MLXIP: variants seen among roughly 807,000 people sequenced by gnomAD.
MLXIP encodes MLX interacting protein.
In MLXIP, 30 loss-of-function variants were observed where a neutral mutation model predicts 87.2. That is an observed-to-expected ratio of 0.34 (90% CI 0.26 to 0.47). The LOEUF (loss-of-function observed/expected upper bound fraction) is 0.47. MLXIP is among the 20% of genes least tolerant of loss of function. The pLI is 1.00. For missense variants in MLXIP, 1,002 were observed against 1,240.1 expected (o/e 0.81, Z 2.88); for synonymous variants, 530 against 514.0 (o/e 1.03, Z -0.42).
chr12:122,094,599 GTGT>G (rs1425974496), intron 1 of MLXIP, among the ~76,000 whole-genome samples: 7,278 of 144,236 alleles, frequency 0.05, 230 homozygotes, highest in Non-Finnish European at 0.076. Context: ...GTGTGTGTTG[GTGT>G]TGTGTGTGTG....
At position 122,133,139 on chromosome 12, in the gene MLXIP, G is replaced by GT; in HGVS notation, c.1093-207dup. ...GGCCGTTGCCTTATCTGAGCTCTGA[G>GT]TTATTTAGTTTTTAATGGAAACAAG... On this transcript the variant is annotated intron_variant, in intron 8 of 16. Coordinates refer to ENST00000319080, the MANE Select transcript of MLXIP (RefSeq NM_014938.6). The surrounding 1 kb of genome is among the most constrained non-coding windows in gnomAD (Gnocchi z 4.9). The GT allele has an allele frequency of 1.9e-6, 1 of 514,484 alleles. No homozygotes were observed. The highest frequency in any genetic ancestry group is 1.9e-5 in the African/African-American group (1 of 51,738). 31.9% of individuals were successfully genotyped at this position (514,484 alleles called of 1,614,324 possible). A position where few individuals can be genotyped will look rare whatever the true frequency, so the allele number is the denominator to read the frequency against.
chr12:122,110,787 TAAAA>T (rs1427482004), intron 1 of MLXIP, among the ~76,000 whole-genome samples: 1 of 141,120 alleles, frequency 7.1e-6, no homozygotes, highest in South Asian at 2.3e-4. Context: ...GAAAAAAAAA[TAAAA>T]AAAGGGCTGG....
In MLXIP at chr12:122,107,154, T is replaced by A. The variant is rs551576587; in HGVS notation, c.414-20102T>A. 3.3e-5 allele frequency among the ~76,000 whole-genome samples: 5 copies of A among 152,290 alleles called. No homozygotes were observed. In the East Asian group the frequency reaches 9.7e-4, roughly 29 times the overall value. Reference sequence around the variant, plus strand: ...AAGGGTCACTGCTGTGAAGTGTGCCTGAGAGCTGATGGTGCAGGCAGTCAT... The same window carrying A: ...AAGGGTCACTGCTGTGAAGTGTGCCAGAGAGCTGATGGTGCAGGCAGTCAT... On this transcript the variant is annotated intron_variant, in intron 1 of 16. Coordinates refer to ENST00000319080, the MANE Select transcript of MLXIP (RefSeq NM_014938.6).
intron 6 of MLXIP, 110 bp from the exon 7 acceptor site, chr12:122,130,734 A>T (rs1323105229): frequency 1.2e-5 from 9 of 756,106 alleles, no homozygotes; most frequent in Admixed American, 2.0e-5. Context: ...AGCTCCTTGG[A>T]AGACTCTGGG....
At chr12:122,084,400 A>G (rs1042264220) in intron 1 of MLXIP, among the ~76,000 whole-genome samples, 1 of 152,100 alleles carries the variant, frequency 6.6e-6, no homozygotes, top group Non-Finnish European at 1.5e-5. Context: ...GGGAGGAAGG[A>G]GAGGAAGGGG....
At chr12:122,129,103 C>A (rs756158424) in intron 3 of MLXIP, 34 bp from the exon 4 acceptor site, 1 of 1,531,810 alleles carries the variant, frequency 6.5e-7, no homozygotes, top group Non-Finnish European at 8.9e-7. Context: ...CAAGCAGAGC[C>A]CCCTCTTCAC....
chr12:122,095,873 TA>T (rs1206135441), intron 1 of MLXIP, among the ~76,000 whole-genome samples: 21 of 151,922 alleles, frequency 1.4e-4, no homozygotes, highest in South Asian at 1.0e-3. Context: ...TTTTTATTAT[TA>T]TTTTTTTTTG....
chr12:122,086,177 C>G (rs1952165842), intron 1 of MLXIP, among the ~76,000 whole-genome samples: 1 of 152,212 alleles, frequency 6.6e-6, no homozygotes, highest in African/African-American at 2.4e-5. Flanking sequence ...GAACGCAGCC[C>G]TGCTGAATCT....
rs548080988 is a variant in MLXIP at position 122,138,344 on chromosome 12, ACGTGCTCCCTG to A, written c.2256+54_2256+64del. 5.8e-4 allele frequency: 927 copies of A among 1,611,464 alleles called. 9 individuals are homozygous for A. In the South Asian group the frequency reaches 6.7e-3, roughly 12 times the overall value. On this transcript the variant is annotated intron_variant, in intron 13 of 16. Coordinates refer to ENST00000319080, the MANE Select transcript of MLXIP (RefSeq NM_014938.6). The stretch of plus-strand genomic sequence containing the variant: ...GTGGCAGGGCAGGGGAGCTGGCAGG[ACGTGCTCCCTG>A]CGTGGTCATTGCTGGTGGCAGGCCT...
chr12:122,094,563 TGTGTGTTGGTGTGTG>T (rs1258626805), intron 1 of MLXIP, among the ~76,000 whole-genome samples: 7 of 135,814 alleles, frequency 5.2e-5, no homozygotes, highest in Non-Finnish European at 9.5e-5. Flanking sequence ...GTGTTTGCAG[TGTGTGTTGGTGTGTG>T]GTGTGTTGGT....
intron 1 of MLXIP, among the ~76,000 whole-genome samples, chr12:122,102,388 A>T (rs1593074166): frequency 6.6e-6 from 1 of 152,312 alleles, no homozygotes; most frequent in East Asian, 1.9e-4. Context: ...CCACAGTAAG[A>T]GGCTACTTCA....
At chr12:122,103,003 GA>G (rs904674921) in intron 1 of MLXIP, among the ~76,000 whole-genome samples, 2 of 152,114 alleles carry the variant, frequency 1.3e-5, no homozygotes, top group African/African-American at 4.8e-5. Context: ...AAACACGATT[GA>G]ATTGTACACT....
At chr12:122,121,090 A>G (rs1302225421) in intron 1 of MLXIP, among the ~76,000 whole-genome samples, 2 of 138,868 alleles carry the variant, frequency 1.4e-5, no homozygotes, top group Non-Finnish European at 3.0e-5. Flanking sequence ...GCTCACTGCA[A>G]CCTCCGCCTC....
Position 122,103,863 on chromosome 12 carries a change from CA to C in MLXIP, c.414-23392del, listed in dbSNP as rs1419530975. Among the ~76,000 whole-genome samples, 12 of 143,204 alleles carry C rather than the reference CA, an allele frequency of 8.4e-5. No homozygotes were observed. The East Asian group carries it at 2.4e-3, about 29-fold the overall frequency. 93.9% of individuals were successfully genotyped at this position (143,204 alleles called of 152,430 possible). A position where few individuals can be genotyped will look rare whatever the true frequency, so the allele number is the denominator to read the frequency against. ...TTGTTTTTTTTTTTTTTTGTAGAGA[CA>C]GGGTTTTGCTGTGTTGTCCAGGCTG... On this transcript the variant is annotated intron_variant, in intron 1 of 16. Transcript: ENST00000319080.
chr12:122,086,296 A>AT (rs1952167408), intron 1 of MLXIP, among the ~76,000 whole-genome samples: 1 of 144,684 alleles, frequency 6.9e-6, no homozygotes, highest in East Asian at 2.0e-4. Context: ...CAGGAAACTC[A>AT]TCTTCACTCT....
chr12:122,133,792 C>T lies in MLXIP; in HGVS notation c.1537C>T (p.His513Tyr), dbSNP rs761985403. Residue 513 changes from histidine (H) to tyrosine (Y), a missense_variant, in exon 9 of 17, where the codon CAC becomes TAC. By Grantham distance (83) the His-to-Tyr change is moderately conservative (BLOSUM62 2). Around this residue, in one of 3 missense-constraint regions of MLXIP, gnomAD observed 746 missense variants for 897.0 expected, o/e 0.83. Transcript: ENST00000319080. This position sits in a 1 kb window ranked among gnomAD's most constrained non-coding sequence, Gnocchi z 4.9. ...QSQGLVITTH[H>Y]PAPSAAPCGL... ...TCAGGGCCTTGTGATCACCACCCATCACCCTGCCCCGTCAGCGGCCCCTTG... is the reference window on the plus strand; with the variant it reads ...TCAGGGCCTTGTGATCACCACCCATTACCCTGCCCCGTCAGCGGCCCCTTG... The T allele has an allele frequency of 5.6e-6, 9 of 1,613,224 alleles. No homozygotes were observed. The South Asian group carries it at 9.9e-5, about 18-fold the overall frequency.
chr12:122,134,315 C>G, intron 9 of MLXIP: 1 of 355,076 alleles, frequency 2.8e-6, no homozygotes, highest in Non-Finnish European at 5.1e-6. Flanking sequence ...CTTCGTCAGC[C>G]TCCCGAGTAG....
rs372190131 is a variant in MLXIP, at chr12:122,137,513, G to C, written c.2077G>C (p.Glu693Gln). 2 of 1,613,892 alleles carry C rather than the reference G, an allele frequency of 1.2e-6. No individual in the cohort carries two copies. The highest frequency in any genetic ancestry group is 1.7e-6 in the Non-Finnish European group (2 of 1,179,890). The change falls in exon 12 of 17, where the codon GAG becomes CAG. Residue 693 changes from glutamate (E) to glutamine (Q), a missense_variant. Transcript: ENST00000319080. The surrounding 1 kb of genome is among the most constrained non-coding windows in gnomAD (Gnocchi z 4.1). ...AGGGCAGGCCTCTCCGTGTGCATCG[G>C]AGCAGAGCCCCAGTCCTCAATCTCC... Reference protein sequence around the residue: ...NSGQASPCASEQSPSPQSPQN... With the variant: ...NSGQASPCASQQSPSPQSPQN...
At chr12:122,110,374 G>A (rs1025105071) in intron 1 of MLXIP, among the ~76,000 whole-genome samples, 5 of 151,988 alleles carry the variant, frequency 3.3e-5, no homozygotes, top group East Asian at 3.9e-4. Flanking sequence ...TGCAACCTCC[G>A]CCTCCTGGGC....
Sources: gnomAD v4.1 joint callset for allele counts (sites outside exome capture counted in the v4.1 genomes callset) on GRCh38, gnomAD v4.1.1 for gene constraint, gnomAD v4.1.1 regional missense constraint, Gnocchi (gnomAD v3.1) non-coding constraint, MANE v1.5 for transcripts, NCBI Gene and HGNC (gene_info 2026-07-23, HGNC 2026-07-21) for gene names.